The following COL14A1 variants were observed in gnomAD, a reference collection of about 807,000 sequenced individuals.
The protein encoded by COL14A1 is collagen alpha-1(XIV) chain.
Under a neutral mutation model 230.3 loss-of-function variants are expected in COL14A1, and 136 were observed. The ratio of observed to expected loss-of-function variants is 0.59; its 90% CI spans 0.51 to 0.68. The LOEUF (loss-of-function observed/expected upper bound fraction) is 0.68, where lower values mean the gene tolerates loss of function less well. Among genes scored for constraint, COL14A1 ranks in the 30% least tolerant of loss-of-function variants. The pLI is 0.00. For synonymous variants in COL14A1, 792 were observed against 784.1 expected, an observed-to-expected ratio of 1.01 and a Z score of -0.17; for missense variants, 1,976 against 2,215.8, an observed-to-expected ratio of 0.89 and a Z score of 2.17.
chr8:120,245,993 G>T (rs114174370), intron 20 of COL14A1, among the ~76,000 whole-genome samples: 1 of 152,260 alleles, frequency 6.6e-6, no homozygotes, highest in South Asian at 2.1e-4. Context: ...TGGAAGGAGG[G>T]TTGAAAACTC....
intron 33 of COL14A1, 103 bp from the exon 34 acceptor site, chr8:120,289,505 C>T: frequency 1.0e-6 from 1 of 997,438 alleles, no homozygotes. Context: ...AGAATTCTTT[C>T]TCTTCTCTTT....
At chr8:120,189,175 A>C (rs1379126861) in intron 5 of COL14A1, among the ~76,000 whole-genome samples, 1 of 152,230 alleles carries the variant, frequency 6.6e-6, no homozygotes, top group Non-Finnish European at 1.5e-5. Context: ...TCTTTGTACC[A>C]AGTATATGAA....
intron 25 of COL14A1, among the ~76,000 whole-genome samples, chr8:120,269,722 TG>T (rs1819602150): frequency 6.6e-6 from 1 of 151,764 alleles, no homozygotes; most frequent in Non-Finnish European, 1.5e-5. Flanking sequence ...TCTGAATCCC[TG>T]TAGTCCCATC....
At chr8:120,278,264 C>T (rs1819916461) in intron 27 of COL14A1, 30 bp downstream of exon 27, 2 of 1,572,584 alleles carry the variant, frequency 1.3e-6, no homozygotes, top group South Asian at 1.2e-5. Context: ...AGCTAAGGCT[C>T]AAAGTAATTC....
chr8:120,345,300 A>G, intron 44 of COL14A1, 75 bp from the exon 45 acceptor site: 1 of 1,377,628 alleles, frequency 7.3e-7, no homozygotes, highest in Non-Finnish European at 9.8e-7. Context: ...TGCAGCCTTA[A>G]CAAATGACAC....
At chr8:120,207,422 A>AT (rs33933930) in intron 10 of COL14A1, among the ~76,000 whole-genome samples, 85,014 of 152,030 alleles carry the variant, frequency 0.56, 24,809 homozygotes, top group African/African-American at 0.72. Context: ...CTATTTGTGC[A>AT]TTTTTTCTAC....
intron 5 of COL14A1, among the ~76,000 whole-genome samples, chr8:120,182,867 C>G (rs1352466279): frequency 6.6e-6 from 1 of 151,522 alleles, no homozygotes; most frequent in East Asian, 2.0e-4. Context: ...GCTAGGACTA[C>G]AGGCGTGTGA....
At chr8:120,354,868 C>CGA (rs1407263403) in intron 45 of COL14A1, among the ~76,000 whole-genome samples, 1 of 152,176 alleles carries the variant, frequency 6.6e-6, no homozygotes, top group Non-Finnish European at 1.5e-5. Context: ...CCCGATTTCT[C>CGA]ACCTGCTTTT....
intron 45 of COL14A1, among the ~76,000 whole-genome samples, chr8:120,364,134 C>T (rs1053161675): frequency 2.0e-5 from 3 of 152,062 alleles, no homozygotes; most frequent in Non-Finnish European, 2.9e-5. Context: ...GACAGTGGCA[C>T]TTAGCACTGG....
intron 19 of COL14A1, among the ~76,000 whole-genome samples, chr8:120,238,860 G>C (rs1586794445): frequency 6.6e-6 from 1 of 152,106 alleles, no homozygotes; most frequent in South Asian, 2.1e-4. Flanking sequence ...GCTAGGGGAG[G>C]GAGTTCCCCA....
chr8:120,231,699 A>G, intron 19 of COL14A1, 81 bp downstream of exon 19: 4 of 1,402,298 alleles, frequency 2.9e-6, no homozygotes, highest in Non-Finnish European at 2.9e-6. Context: ...GATCAATGCA[A>G]ACTTTACTGC....
At chr8:120,346,292 T>C (rs565479205) in intron 45 of COL14A1, among the ~76,000 whole-genome samples, 2 of 152,290 alleles carry the variant, frequency 1.3e-5, no homozygotes, top group South Asian at 2.1e-4. Flanking sequence ...ACTGAATCTA[T>C]AGTCGACTAA....
intron 14 of COL14A1, among the ~76,000 whole-genome samples, chr8:120,219,253 A>G (rs967177825): frequency 1.3e-5 from 2 of 151,956 alleles, no homozygotes; most frequent in African/African-American, 4.8e-5. Context: ...AGTAGCTGGG[A>G]CTACACATGC....
intron 6 of COL14A1, 46 bp from the exon 7 acceptor site, chr8:120,197,765 T>A (rs774928362): frequency 6.4e-7 from 1 of 1,571,236 alleles, no homozygotes; most frequent in South Asian, 1.2e-5. Flanking sequence ...ACTAGATTTT[T>A]GAGTAACCCA....
At chr8:120,322,169 A>T (rs1821474908) in intron 40 of COL14A1, among the ~76,000 whole-genome samples, 1 of 151,758 alleles carries the variant, frequency 6.6e-6, no homozygotes, top group Non-Finnish European at 1.5e-5. Context: ...TGGGAACTGA[A>T]CAATGAGATA....
chr8:120,248,813 C>A (rs572497466), intron 21 of COL14A1, among the ~76,000 whole-genome samples: 1 of 151,822 alleles, frequency 6.6e-6, no homozygotes, highest in Non-Finnish European at 1.5e-5. Flanking sequence ...TGTGATCACA[C>A]CACTGCACTC....
chr8:120,148,007 A>G, intron 2 of COL14A1, 77 bp downstream of exon 2: 1 of 1,057,504 alleles, frequency 9.5e-7, no homozygotes, highest in Non-Finnish European at 1.4e-6. Flanking sequence ...TATTTTATTT[A>G]TCCTAACAAT....
At chr8:120,251,987 C>T (rs774284348) in intron 22 of COL14A1, among the ~76,000 whole-genome samples, 4 of 151,796 alleles carry the variant, frequency 2.6e-5, no homozygotes, top group Non-Finnish European at 5.9e-5. Flanking sequence ...ACTCACTATT[C>T]TTTCATTTTT....
intron 40 of COL14A1, among the ~76,000 whole-genome samples, chr8:120,317,481 A>C (rs1442332532): frequency 6.6e-6 from 1 of 152,216 alleles, no homozygotes; most frequent in Non-Finnish European, 1.5e-5. Context: ...AGTTAGATTT[A>C]TGTAGCATTC....
Sources: allele counts gnomAD v4.1 joint callset (sites outside exome capture counted in the v4.1 genomes callset), GRCh38; gene constraint gnomAD v4.1.1; transcripts MANE v1.5; gene names NCBI Gene and HGNC (gene_info 2026-07-23, HGNC 2026-07-21).